Variants in USP19 observed in about 807,000 individuals in gnomAD.
USP19 encodes the protein ubiquitin specific peptidase 19.
Under a neutral mutation model 144.8 loss-of-function variants are expected in USP19, and 40 were observed. The observed-to-expected ratio is 0.28, with a 90% CI of 0.21 to 0.36. The LOEUF (loss-of-function observed/expected upper bound fraction) is 0.36. USP19 is among the 10% of genes least tolerant of loss of function. USP19 has a pLI of 1.00. For missense variants in USP19, 1,518 were observed against 1,822.5 expected (o/e 0.83, Z 3.04); for synonymous variants, 701 against 709.3 (o/e 0.99, Z 0.19).
At chr3:49,119,398 A>C (rs1336134714) in intron 1 of USP19, 117 bp from the exon 2 acceptor site, 1 of 444,242 alleles carries the variant, frequency 2.3e-6, no homozygotes, top group East Asian at 4.0e-5. Flanking sequence ...TCATCTCTTA[A>C]GTACCCCTGG....
At chr3:49,113,345 C>T (rs1199736071) in intron 17 of USP19, among the ~76,000 whole-genome samples, 5 of 151,836 alleles carry the variant, frequency 3.3e-5, no homozygotes, top group African/African-American at 1.2e-4. Flanking sequence ...GGCGCGATCT[C>T]GGCTCACTGC....
rs753296324 is a variant in USP19 at position 49,116,519 on chromosome 3, C to T, written c.1215G>A (p.Lys405=). ...CTCTTGAGGTGTCCCTGCAGATCTC[C>T]TTCACGTACACGTGCACCACCACTG... ...PDSVVVHVYV[K]EICRDTSRVL... Residue 405 remains lysine, a synonymous_variant, in exon 8 of 27, where the codon AAG becomes AAA. Transcript: ENST00000417901. This position sits in a 1 kb window ranked among gnomAD's most constrained non-coding sequence, Gnocchi z 5.0. 6.2e-7 allele frequency: 1 copy of T among 1,614,246 alleles called. No homozygotes were observed. The highest frequency in any genetic ancestry group is 1.7e-5 in the Admixed American group (1 of 60,028).
intron 2 of USP19, among the ~76,000 whole-genome samples, chr3:49,118,523 C>T (rs2044581371): frequency 6.6e-6 from 1 of 151,312 alleles, no homozygotes; most frequent in Admixed American, 6.6e-5. Context: ...GAGGCAGAGC[C>T]CGCAGTGAGC....
rs1429092867 is a variant in USP19, at chr3:49,109,119, C to T, written c.4039-591G>A. On this transcript the variant is annotated intron_variant, in intron 26 of 26. Coordinates refer to ENST00000417901, the MANE Select transcript of USP19 (RefSeq NM_001199161.2). ...ACCCAGTCTTGGGGCCCCCAGGGAC[C>T]CAGGGGCCCAGACCCCTCAGGCACC... The T allele has an allele frequency of 1.3e-6, 2 of 1,558,742 alleles. No individual in the cohort carries two copies. The highest frequency in any genetic ancestry group is 2.7e-5 in the African/African-American group (2 of 72,808).
In USP19 at chr3:49,108,449, G is replaced by A; in HGVS notation, c.4118C>T (p.Pro1373Leu). 7.3e-7 allele frequency: 1 copy of A among 1,370,100 alleles called. No individual in the cohort carries two copies. The highest frequency in any genetic ancestry group is 9.5e-7 in the Non-Finnish European group (1 of 1,050,484). 84.9% of individuals were successfully genotyped at this position (1,370,100 alleles called of 1,614,324 possible). Residue 1373 changes from proline to leucine, a missense_variant, in exon 27 of 27, where the codon CCA (proline) becomes CTA (leucine). This residue lies in a region of USP19 where 118 missense variants were observed against 100.2 expected (regional missense o/e 1.18). Coordinates refer to ENST00000417901, the MANE Select transcript of USP19 (RefSeq NM_001199161.2). This position sits in a 1 kb window ranked among gnomAD's most constrained non-coding sequence, Gnocchi z 4.8. ...CTCCATGTTGCTGTAGGTGGGGGCT[G>A]GCCGATCCACAGGGGGGGCGAAGCG... is the stretch of plus-strand genomic sequence containing the variant. ...PERFAPPVDR[P>L]APTYSNMEEV...
At position 49,111,918 on chromosome 3, in the gene USP19, A is replaced by T. The variant is rs1159539786; in HGVS notation, c.2896T>A (p.Tyr966Asn). 1 of 1,614,026 alleles carries T rather than the reference A, an allele frequency of 6.2e-7. No homozygotes were observed. Among genetic ancestry groups the T allele is most frequent in the Non-Finnish European group, 8.5e-7 (1 of 1,179,990 alleles). The change falls in exon 20 of 27, where the codon TAT becomes AAT. Residue 966 changes from tyrosine (Y) to asparagine (N), a missense_variant. Physicochemically the swap from Tyr to Asn is moderately radical, Grantham distance 143. Around this residue, in one of 5 missense-constraint regions of USP19, gnomAD observed 413 missense variants for 515.8 expected, o/e 0.80. Transcript: ENST00000417901. This position sits in a 1 kb window ranked among gnomAD's most constrained non-coding sequence, Gnocchi z 5.9. ...YARLAQLLEG[Y>N]ARYSVSVFQP... ...CAACCACTGGGCACTTACCGGGCATAGCCCTCTAGCAACTGAGCGAGGCGG... is the reference window on the plus strand; with the variant it reads ...CAACCACTGGGCACTTACCGGGCATTGCCCTCTAGCAACTGAGCGAGGCGG...
At position 49,119,362 on chromosome 3, in the gene USP19, C is replaced by T. The variant is rs2044742127; in HGVS notation, c.-136-81G>A. The T allele has an allele frequency of 9.0e-6, 5 of 557,512 alleles. 1 individual carries two copies. Among genetic ancestry groups the T allele is most frequent in the Admixed American group, 6.7e-5 (2 of 30,058 alleles). The allele number at this position is 557,512 out of a possible 1,614,324, so 34.5% of individuals were successfully genotyped here. A position where few individuals can be genotyped will look rare whatever the true frequency, so the allele number is the denominator to read the frequency against. On this transcript the variant is annotated intron_variant, in intron 1 of 26. Coordinates refer to ENST00000417901, the MANE Select transcript of USP19 (RefSeq NM_001199161.2). Reference sequence around the variant, plus strand: ...ACACCCAGGGCTCAGCAACACAGGACACTAATGCTACAGAGCTGTATCTTC... The same window carrying T: ...ACACCCAGGGCTCAGCAACACAGGATACTAATGCTACAGAGCTGTATCTTC...
chr3:49,117,281 C>T lies in USP19; in HGVS notation c.687G>A (p.Leu229=), dbSNP rs1329235516. The part of the protein sequence containing the change: ...ENGQELSPIA[L]EPGPEPHRAK... ...CCCGGTGGGGCTCAGGGCCTGGCTC[C>T]AGGGCAATGGGAGACAGTTCCTGCC... Residue 229 remains leucine (L), a synonymous_variant, in exon 6 of 27, where the codon CTG becomes CTA. Transcript: ENST00000417901. This position sits in a 1 kb window ranked among gnomAD's most constrained non-coding sequence, Gnocchi z 4.4. The T allele has an allele frequency of 1.3e-6, 2 of 1,575,184 alleles. No individual in the cohort carries two copies. Among genetic ancestry groups the T allele is most frequent in the Non-Finnish European group, 1.7e-6 (2 of 1,159,952 alleles).
Position 49,110,699 on chromosome 3 carries a change from T to G in USP19, c.3698+12A>C. 1.2e-6 allele frequency: 2 copies of G among 1,613,468 alleles called. No individual in the cohort carries two copies. The highest frequency in any genetic ancestry group is 1.7e-6 in the Non-Finnish European group (2 of 1,179,688). ...CACACCCCACCCACAGTTACCAAGG[T>G]CCACTGCTTACCTAACAGGGAACTC... is the stretch of plus-strand genomic sequence containing the variant. On this transcript the variant is annotated intron_variant, in intron 24 of 26. Transcript: ENST00000417901. This position sits in a 1 kb window ranked among gnomAD's most constrained non-coding sequence, Gnocchi z 6.1.
At position 49,119,225 on chromosome 3, in the gene USP19, G is replaced by C; in HGVS notation, c.-80C>G. ...GTCAGGGCTGCGGCGCTTTCTTCCT[G>C]GCCCAGCTATCTTGGCAACTCTTTG... is the stretch of plus-strand genomic sequence containing the variant. On this transcript the variant is annotated 5_prime_UTR_variant, in exon 2 of 27. Coordinates refer to ENST00000417901, the MANE Select transcript of USP19 (RefSeq NM_001199161.2). 6.6e-7 allele frequency: 1 copy of C among 1,522,460 alleles called. No homozygotes were observed. The highest frequency in any genetic ancestry group is 8.8e-7 in the Non-Finnish European group (1 of 1,140,610). 94.3% of individuals were successfully genotyped at this position (1,522,460 alleles called of 1,614,324 possible). A position where few individuals can be genotyped will look rare whatever the true frequency, so the allele number is the denominator to read the frequency against.
Position 49,114,995 on chromosome 3 carries a change from G to A in USP19, c.2145C>T (p.Tyr715=). The part of the protein sequence containing the change: ...EDLNRIQNKP[Y]TETVDSDGRP... ...GCCCATCTGAATCCACGGTCTCTGT[G>A]TAGGGCTTGTTCTGAATGCGATTCA... Residue 715 remains tyrosine, a synonymous_variant, in exon 14 of 27, where the codon TAC becomes TAT. Transcript: ENST00000417901. The surrounding 1 kb of genome is among the most constrained non-coding windows in gnomAD (Gnocchi z 4.5). 1.2e-6 allele frequency: 2 copies of A among 1,614,158 alleles called. No homozygotes were observed. The highest frequency in any genetic ancestry group is 1.1e-5 in the South Asian group (1 of 91,082).
rs572373701 is a variant in USP19 at position 49,116,844 on chromosome 3, C to A, written c.1009G>T (p.Val337Leu). Residue 337 changes from valine (V) to leucine (L), a missense_variant, in exon 7 of 27, where the codon GTG becomes TTG. Transcript: ENST00000417901. The surrounding 1 kb of genome is among the most constrained non-coding windows in gnomAD (Gnocchi z 5.0). ...NLAPLAGEKAVPPGNDPVSPA... is the reference protein window; with the variant it reads ...NLAPLAGEKALPPGNDPVSPA... ...GAGACTGGGTCATTCCCGGGAGGCA[C>A]TGCTTTCTCTCCTGCCAAAGGGGCT... is the stretch of plus-strand genomic sequence containing the variant. The A allele has an allele frequency of 8.1e-6, 13 of 1,614,176 alleles. No homozygotes were observed. The highest frequency in any genetic ancestry group is 4.0e-5 in the African/African-American group (3 of 75,034).
rs2043256754 is a variant in USP19 at position 49,112,120 on chromosome 3, T to C, written c.2766-72A>G. 10 of 1,583,074 alleles carry C rather than the reference T, an allele frequency of 6.3e-6. No individual in the cohort carries two copies. The highest frequency in any genetic ancestry group is 8.6e-6 in the Non-Finnish European group (10 of 1,162,940). On this transcript the variant is annotated intron_variant, in intron 19 of 26. Coordinates refer to ENST00000417901, the MANE Select transcript of USP19 (RefSeq NM_001199161.2). The surrounding 1 kb of genome is among the most constrained non-coding windows in gnomAD (Gnocchi z 4.9). ...ATGACTCCATACTGGGGGCTAGTCA[T>C]AGTCCCTGGGAACTGGGTACGCCAG...
chr3:49,117,155 A>G lies in USP19; in HGVS notation c.813T>C (p.Ala271=). ...CCTCTGGCCCTCTGCAGAGATGCAC[A>G]GCCCTCTTGGCGCTGGGCCCTGCCT... is the stretch of plus-strand genomic sequence containing the variant. The part of the protein sequence containing the change: ...GAQAGPSAKR[A]VHLCRGPEGD... Residue 271 remains alanine (A), a synonymous_variant, in exon 6 of 27, where the codon GCT becomes GCC. Transcript: ENST00000417901. The surrounding 1 kb of genome is among the most constrained non-coding windows in gnomAD (Gnocchi z 4.4). 1.3e-6 allele frequency: 2 copies of G among 1,548,696 alleles called. No homozygotes were observed. Among genetic ancestry groups the G allele is most frequent in the South Asian group, 2.4e-5 (2 of 84,140 alleles).
rs368479180 is a variant in USP19, at chr3:49,111,122, C to T, written c.3373G>A (p.Val1125Ile). ...TGCAAGCGCTCATTGTTCCGCCAGA[C>T]GAGAGCCAGGCTACAGTCGTCACCC... is the stretch of plus-strand genomic sequence containing the variant. ...ELGDDCSLAL[V>I]WRNNERLQEF... is the part of the protein sequence containing the mutation. The change falls in exon 23 of 27, where the codon GTC (valine) becomes ATC (isoleucine). Residue 1125 changes from valine (V) to isoleucine (I), a missense_variant. Val to Ile is a conservative substitution (Grantham distance 29). Transcript: ENST00000417901. This position sits in a 1 kb window ranked among gnomAD's most constrained non-coding sequence, Gnocchi z 5.9. The T allele has an allele frequency of 1.4e-5, 23 of 1,613,652 alleles. No homozygotes were observed. Among genetic ancestry groups the T allele is most frequent in the African/African-American group, 2.7e-5 (2 of 74,906 alleles).
At chr3:49,120,352 C>CA (rs1276000294) in intron 1 of USP19, 1 of 152,366 alleles carries the variant, frequency 6.6e-6, no homozygotes, top group African/African-American at 2.4e-5. Flanking sequence ...CTCCTTCTTG[C>CA]ACCCAGGCCC....
At position 49,112,175 on chromosome 3, in the gene USP19, G is replaced by C. The variant is rs2043269153; in HGVS notation, c.2765+109C>G. On this transcript the variant is annotated intron_variant, in intron 19 of 26. Coordinates refer to ENST00000417901, the MANE Select transcript of USP19 (RefSeq NM_001199161.2). This position sits in a 1 kb window ranked among gnomAD's most constrained non-coding sequence, Gnocchi z 4.9. ...GCCTCCCCCAGAGCCTGGTAAAGTAGGGTGGCAAGTAGAAAGCTTAAGCAT... is the reference window on the plus strand; with the variant it reads ...GCCTCCCCCAGAGCCTGGTAAAGTACGGTGGCAAGTAGAAAGCTTAAGCAT... The C allele has an allele frequency of 1.3e-6, 2 of 1,540,868 alleles. No homozygotes were observed. The highest frequency in any genetic ancestry group is 8.8e-7 in the Non-Finnish European group (1 of 1,141,412).
Position 49,117,066 on chromosome 3 carries a change from G to A in USP19, c.902C>T (p.Ala301Val). ...CAGGTGCCCAGCTCTCACCTGGGTG[G>A]CTGGGTCAGCCACGAAGGGTGGGGC... ...GDAPPFVADP[A>V]TQVEADEQLC... Residue 301 changes from alanine to valine, a missense_variant, in exon 6 of 27, where the codon GCC becomes GTC. Coordinates refer to ENST00000417901, the MANE Select transcript of USP19 (RefSeq NM_001199161.2). The surrounding 1 kb of genome is among the most constrained non-coding windows in gnomAD (Gnocchi z 4.4). The A allele has an allele frequency of 6.6e-7, 1 of 1,516,612 alleles. No homozygotes were observed. Among genetic ancestry groups the A allele is most frequent in the Non-Finnish European group, 8.9e-7 (1 of 1,128,074 alleles). The allele number at this position is 1,516,612 out of a possible 1,614,324, so 93.9% of individuals were successfully genotyped here. A position where few individuals can be genotyped will look rare whatever the true frequency, so the allele number is the denominator to read the frequency against.
At chr3:49,113,785 T>C (rs2043600418) in intron 17 of USP19, among the ~76,000 whole-genome samples, 1 of 152,108 alleles carries the variant, frequency 6.6e-6, no homozygotes, top group East Asian at 1.9e-4. Context: ...GTAGAGACAG[T>C]GTTTCACCAA....
Sources: allele counts gnomAD v4.1 joint callset (sites outside exome capture counted in the v4.1 genomes callset), GRCh38; gene constraint gnomAD v4.1.1; regional missense constraint gnomAD v4.1.1; non-coding constraint Gnocchi (gnomAD v3.1); transcripts MANE v1.5; gene names NCBI Gene and HGNC (gene_info 2026-07-23, HGNC 2026-07-21).